The following CALCOCO2 variants were observed in gnomAD, a reference collection of about 807,000 sequenced individuals.
CALCOCO2 encodes the protein calcium-binding and coiled-coil domain-containing protein 2.
Under a neutral mutation model 62.5 loss-of-function variants are expected in CALCOCO2, and 42 were observed. The observed-to-expected ratio is 0.67, with a 90% CI of 0.53 to 0.87. The LOEUF (loss-of-function observed/expected upper bound fraction) is 0.87. CALCOCO2 is among the 40% of genes least tolerant of loss of function. CALCOCO2 has a pLI of 0.00. For missense variants in CALCOCO2, 456 were observed against 515.0 expected, an observed-to-expected ratio of 0.89 and a Z score of 1.11; for synonymous variants, 167 against 173.0, an observed-to-expected ratio of 0.97 and a Z score of 0.27.
intron 2 of CALCOCO2, among the ~76,000 whole-genome samples, chr17:48,844,783 G>T (rs979369940): frequency 6.6e-6 from 1 of 152,206 alleles, no homozygotes; most frequent in Admixed American, 6.5e-5. Flanking sequence ...CTCCCAAAGT[G>T]CTGGGATTAC....
intron 1 of CALCOCO2, among the ~76,000 whole-genome samples, chr17:48,833,836 G>A (rs2039851676): frequency 6.6e-6 from 1 of 151,804 alleles, no homozygotes. Flanking sequence ...CAGTTAGAAA[G>A]AGCAGAAGTA....
At chr17:48,851,302 C>T in intron 6 of CALCOCO2, 125 bp downstream of exon 6, 1 of 682,118 alleles carries the variant, frequency 1.5e-6, no homozygotes, top group South Asian at 1.7e-5. Context: ...ATGTGATTCT[C>T]CACCCTTTGA....
intron 7 of CALCOCO2, among the ~76,000 whole-genome samples, chr17:48,852,085 T>C (rs1402906752): frequency 6.7e-6 from 1 of 148,796 alleles, no homozygotes; most frequent in Non-Finnish European, 1.5e-5. Context: ...TTGCAGTGAA[T>C]AGAGATTGCA....
At chr17:48,856,064 TA>T in intron 9 of CALCOCO2, 27 bp from the exon 10 acceptor site, 3 of 1,261,818 alleles carry the variant, frequency 2.4e-6, no homozygotes, top group Non-Finnish European at 2.3e-6. Flanking sequence ...TATGTGATCC[TA>T]ATCCTAATTT....
At chr17:48,855,431 G>A (rs2040201584) in intron 9 of CALCOCO2, among the ~76,000 whole-genome samples, 1 of 152,164 alleles carries the variant, frequency 6.6e-6, no homozygotes, top group African/African-American at 2.4e-5. Flanking sequence ...AAAAAATCTT[G>A]GATGAAAAAC....
chr17:48,849,401 C>A, intron 5 of CALCOCO2, 24 bp downstream of exon 5: 1 of 1,608,506 alleles, frequency 6.2e-7, no homozygotes, highest in East Asian at 2.2e-5. Context: ...TTATAGGTGA[C>A]CTTGGAGCAT....
At chr17:48,861,655 G>A (rs1368611091) in intron 11 of CALCOCO2, among the ~76,000 whole-genome samples, 1 of 42,078 alleles carries the variant, frequency 2.4e-5, no homozygotes, top group African/African-American at 1.3e-4. Flanking sequence ...ATATATATGT[G>A]TGTGTGTATA....
At chr17:48,836,530 A>C (rs1214128124) in intron 1 of CALCOCO2, among the ~76,000 whole-genome samples, 2 of 152,184 alleles carry the variant, frequency 1.3e-5, no homozygotes, top group Admixed American at 6.5e-5. Context: ...ACAAATACTT[A>C]ATCAGTGATT....
intron 12 of CALCOCO2, among the ~76,000 whole-genome samples, 167 bp downstream of exon 12, chr17:48,862,471 G>A (rs2040343217): frequency 6.6e-6 from 1 of 152,206 alleles, no homozygotes; most frequent in Admixed American, 6.5e-5. Flanking sequence ...TTGTGGAAGG[G>A]AGATGAAAGC....
chr17:48,860,975 T>A (rs2040318706), intron 11 of CALCOCO2, among the ~76,000 whole-genome samples: 1 of 152,206 alleles, frequency 6.6e-6, no homozygotes, highest in South Asian at 2.1e-4. Flanking sequence ...AAAAGCAATA[T>A]GAGATCTCAT....
Position 48,844,558 on chromosome 17 carries a change from G to A in CALCOCO2, c.180+2671G>A, listed in dbSNP as rs536636972. On this transcript the variant is annotated intron_variant, in intron 2 of 12. Coordinates refer to ENST00000258947, the MANE Select transcript of CALCOCO2 (RefSeq NM_005831.5). ...CAACCTCTGCCTCCCTGGTTCAAGC[G>A]ATTCTCCTGCCTCAGCCTCCCAGGT... Among the ~76,000 whole-genome samples the A allele has an allele frequency of 3.0e-4, 45 of 151,944 alleles. No homozygotes were observed. The East Asian group carries it at 3.5e-3, about 12-fold the overall frequency.
rs768608004 is a variant in CALCOCO2, at chr17:48,856,203, A to T, written c.1008+16A>T. On this transcript the variant is annotated intron_variant, in intron 10 of 12. Transcript: ENST00000258947. Reference sequence around the variant, plus strand: ...AGAAAATGATGTAAGTGTGTGAAAGAGGGTATAAAACCCCAAGGTTTTAAG... The same window carrying T: ...AGAAAATGATGTAAGTGTGTGAAAGTGGGTATAAAACCCCAAGGTTTTAAG... The T allele has an allele frequency of 2.1e-6, 3 of 1,444,518 alleles. No homozygotes were observed. Among genetic ancestry groups the T allele is most frequent in the Admixed American group, 3.4e-5 (2 of 58,696 alleles). 89.5% of individuals were successfully genotyped at this position (1,444,518 alleles called of 1,614,324 possible).
At chr17:48,857,273 C>T (rs2040230859) in intron 10 of CALCOCO2, among the ~76,000 whole-genome samples, 2 of 150,908 alleles carry the variant, frequency 1.3e-5, no homozygotes, top group South Asian at 2.1e-4. Context: ...TCTCAGCTCA[C>T]CGCAACCTCC....
Position 48,851,593 on chromosome 17 carries a change from A to T in CALCOCO2, c.667A>T (p.Asn223Tyr), listed in dbSNP as rs1191419531. 6.2e-7 allele frequency: 1 copy of T among 1,604,372 alleles called. No individual in the cohort carries two copies. Among genetic ancestry groups the T allele is most frequent in the Non-Finnish European group, 8.5e-7 (1 of 1,171,016 alleles). The stretch of plus-strand genomic sequence containing the variant: ...ACAAAACCAGAAGATGTCCTCAGAA[A>T]ATGAGAAGATGGGAATCAGAGTGGA... ...KEQNQKMSSE[N>Y]EKMGIRVDQL... Residue 223 changes from asparagine to tyrosine, a missense_variant, in exon 7 of 13, where the codon AAT becomes TAT. Asn to Tyr is a moderately radical substitution (Grantham distance 143, BLOSUM62 -2). Around this residue, in one of 3 missense-constraint regions of CALCOCO2, gnomAD observed 236 missense variants for 225.3 expected, o/e 1.05. Coordinates refer to ENST00000258947, the MANE Select transcript of CALCOCO2 (RefSeq NM_005831.5).
Position 48,860,322 on chromosome 17 carries a change from G to C in CALCOCO2, c.1017G>C (p.Lys339Asn). 6.2e-7 allele frequency: 1 copy of C among 1,613,638 alleles called. No homozygotes were observed. Among genetic ancestry groups the C allele is most frequent in the South Asian group, 1.1e-5 (1 of 91,042 alleles). ...ERLEGENDLL[K>N]RENSRLLSYM... Reference sequence around the variant, plus strand: ...AAATCCTCTATCCTTAGCTTTTGAAGAGGGAGAACAGCAGATTGCTCAGTT... The same window carrying C: ...AAATCCTCTATCCTTAGCTTTTGAACAGGGAGAACAGCAGATTGCTCAGTT... The change falls in exon 11 of 13, where the codon AAG (lysine) becomes AAC (asparagine). Residue 339 changes from lysine (K) to asparagine (N), a missense_variant. Lys to Asn is a moderately conservative substitution (Grantham distance 94, BLOSUM62 0). This residue lies in a region of CALCOCO2 where 172 missense variants were observed against 210.3 expected (regional missense o/e 0.82). Transcript: ENST00000258947.
chr17:48,844,514 G>A (rs1014514930), intron 2 of CALCOCO2, among the ~76,000 whole-genome samples: 8 of 151,726 alleles, frequency 5.3e-5, no homozygotes, highest in African/African-American at 1.9e-4. Flanking sequence ...GAGTGCAATG[G>A]CGCGATCTTG....
intron 7 of CALCOCO2, 52 bp from the exon 8 acceptor site, chr17:48,852,454 G>A: frequency 6.5e-7 from 1 of 1,541,178 alleles, no homozygotes; most frequent in Non-Finnish European, 8.9e-7. Flanking sequence ...CATTGTTCCT[G>A]TTTTGTTTTC....
At chr17:48,859,724 C>T (rs2040300765) in intron 10 of CALCOCO2, among the ~76,000 whole-genome samples, 1 of 152,146 alleles carries the variant, frequency 6.6e-6, no homozygotes, top group South Asian at 2.1e-4. Context: ...ATATTTGTTC[C>T]TCCCTGTAGT....
At chr17:48,837,402 T>C (rs2039908731) in intron 1 of CALCOCO2, among the ~76,000 whole-genome samples, 1 of 151,950 alleles carries the variant, frequency 6.6e-6, no homozygotes, top group Non-Finnish European at 1.5e-5. Context: ...CCCAGCACTT[T>C]GGGAGGCTGA....
Sources: gnomAD v4.1 joint callset for allele counts (sites outside exome capture counted in the v4.1 genomes callset) on GRCh38, gnomAD v4.1.1 for gene constraint, gnomAD v4.1.1 regional missense constraint, MANE v1.5 for transcripts, NCBI Gene and HGNC (gene_info 2026-07-23, HGNC 2026-07-21) for gene names.